NPFFR2: variants seen among roughly 807,000 people sequenced by gnomAD.
The protein encoded by NPFFR2 is G-protein coupled receptor 74.
In NPFFR2, 15 loss-of-function variants were observed where a neutral mutation model predicts 13.1. The observed-to-expected ratio is 1.15, with a 90% CI of 0.77 to 1.76. The LOEUF (loss-of-function observed/expected upper bound fraction) is 1.76, where lower values mean the gene tolerates loss of function less well. NPFFR2 is among the 40% of genes most tolerant of loss of function. The pLI, the probability that NPFFR2 is intolerant of heterozygous loss-of-function variation, is 0.00. For missense variants in NPFFR2, 572 were observed against 503.5 expected, an observed-to-expected ratio of 1.14 and a Z score of -1.30; for synonymous variants, 190 against 175.7, an observed-to-expected ratio of 1.08 and a Z score of -0.65.
At chr4:72,146,902 A>T in intron 3 of NPFFR2, 76 bp from the exon 4 acceptor site, 1 of 973,624 alleles carries the variant, frequency 1.0e-6, no homozygotes, top group Non-Finnish European at 1.6e-6. Context: ...GCCTGTAACT[A>T]CATAAATAAA....
chr4:72,051,155 A>G (rs1293920073), intron 1 of NPFFR2, among the ~76,000 whole-genome samples: 1 of 151,796 alleles, frequency 6.6e-6, no homozygotes, highest in East Asian at 1.9e-4. Flanking sequence ...GTCAAATGGT[A>G]TTTCTAGTTC....
intron 1 of NPFFR2, among the ~76,000 whole-genome samples, chr4:72,057,940 GC>G (rs1719801742): frequency 6.6e-6 from 1 of 151,912 alleles, no homozygotes; most frequent in South Asian, 2.1e-4. Flanking sequence ...GAGAAAACCT[GC>G]ACAAATCCAA....
intron 1 of NPFFR2, among the ~76,000 whole-genome samples, chr4:72,088,555 T>C (rs984494628): frequency 7.9e-5 from 12 of 152,106 alleles, no homozygotes; most frequent in African/African-American, 2.9e-4. Flanking sequence ...ATTTCTTTTA[T>C]TTTTTAATTT....
intron 1 of NPFFR2, among the ~76,000 whole-genome samples, chr4:72,104,394 A>T (rs1437124291): frequency 6.6e-6 from 1 of 152,048 alleles, no homozygotes; most frequent in Non-Finnish European, 1.5e-5. Context: ...ACCATATTCC[A>T]ACTATCATTT....
At chr4:72,090,340 T>C (rs1720885007) in intron 1 of NPFFR2, among the ~76,000 whole-genome samples, 1 of 152,088 alleles carries the variant, frequency 6.6e-6, no homozygotes, top group Non-Finnish European at 1.5e-5. Flanking sequence ...TTTAGGATGG[T>C]GTTTTCTAGT....
At chr4:72,097,715 C>G (rs374800439) in intron 1 of NPFFR2, among the ~76,000 whole-genome samples, 15 of 152,132 alleles carry the variant, frequency 9.9e-5, no homozygotes, top group African/African-American at 3.4e-4. Context: ...AAGCCTTAAT[C>G]TGAAAGAGAC....
intron 2 of NPFFR2, among the ~76,000 whole-genome samples, chr4:72,137,214 T>C (rs1722444970): frequency 6.6e-6 from 1 of 152,148 alleles, no homozygotes; most frequent in Non-Finnish European, 1.5e-5. Context: ...TGTAAGAATA[T>C]TTTGTTTCAG....
chr4:72,049,181 T>C (rs1477841210), intron 1 of NPFFR2, among the ~76,000 whole-genome samples: 1 of 152,126 alleles, frequency 6.6e-6, no homozygotes, highest in Non-Finnish European at 1.5e-5. Flanking sequence ...AACTGAGAGC[T>C]CACTTTTATT....
intron 1 of NPFFR2, among the ~76,000 whole-genome samples, chr4:72,125,487 T>G (rs1450470419): frequency 6.6e-6 from 1 of 152,244 alleles, no homozygotes; most frequent in East Asian, 1.9e-4. Flanking sequence ...GTTGTCACAC[T>G]TAGTGTCTAA....
chr4:72,141,539 G>C (rs958351206), intron 3 of NPFFR2, among the ~76,000 whole-genome samples: 72 of 152,148 alleles, frequency 4.7e-4, no homozygotes, highest in African/African-American at 1.7e-3. Flanking sequence ...TTCAGGAGCA[G>C]GTTGTTCAGC....
At chr4:72,121,046 A>G (rs909320838) in intron 1 of NPFFR2, among the ~76,000 whole-genome samples, 13 of 152,092 alleles carry the variant, frequency 8.5e-5, no homozygotes, top group African/African-American at 3.1e-4. Context: ...CAGTTTAGAG[A>G]AGAACATAAA....
At chr4:72,063,005 G>A (rs1306265107) in intron 1 of NPFFR2, among the ~76,000 whole-genome samples, 1 of 152,252 alleles carries the variant, frequency 6.6e-6, no homozygotes, top group East Asian at 1.9e-4. Context: ...TGTAATTATT[G>A]CAGCAACAGG....
At chr4:72,139,207 T>G (rs1722518134) in intron 3 of NPFFR2, among the ~76,000 whole-genome samples, 1 of 152,218 alleles carries the variant, frequency 6.6e-6, no homozygotes, top group African/African-American at 2.4e-5. Context: ...ATTCTGTAGG[T>G]TGTCTGTTCA....
chr4:72,044,488 C>G (rs1719322673), intron 1 of NPFFR2, among the ~76,000 whole-genome samples: 1 of 152,086 alleles, frequency 6.6e-6, no homozygotes, highest in African/African-American at 2.4e-5. Context: ...GAACGTTTTT[C>G]TACTTGATTA....
At chr4:72,042,129 G>A (rs1180465858) in intron 1 of NPFFR2, among the ~76,000 whole-genome samples, 2 of 152,124 alleles carry the variant, frequency 1.3e-5, no homozygotes, top group Non-Finnish European at 2.9e-5. Context: ...TAATCCCCAT[G>A]TGTCCCTGCT....
intron 1 of NPFFR2, among the ~76,000 whole-genome samples, chr4:72,045,803 A>G (rs1279692315): frequency 2.0e-5 from 3 of 152,174 alleles, no homozygotes; most frequent in African/African-American, 4.8e-5. Context: ...TTAAATGCAT[A>G]TGGCTTTCAC....
At chr4:72,045,473 C>CTTTGCTCTG (rs1719350305) in intron 1 of NPFFR2, among the ~76,000 whole-genome samples, 1 of 152,050 alleles carries the variant, frequency 6.6e-6, no homozygotes, top group African/African-American at 2.4e-5. Flanking sequence ...ATACTTTTGC[C>CTTTGCTCTG]TTTGCTCTGT....
Position 72,050,614 on chromosome 4 carries a change from G to T in NPFFR2, c.-8+18414G>T, listed in dbSNP as rs189544603. On this transcript the variant is annotated intron_variant, in intron 1 of 3. Coordinates refer to ENST00000308744, the MANE Select transcript of NPFFR2 (RefSeq NM_004885.3). ...TTACCTCAAAATACATTTCTTTGAT[G>T]TATTTTTTTAAATTATACTTTAAGT... Among the ~76,000 whole-genome samples, 387 of 152,002 alleles carry T rather than the reference G, an allele frequency of 2.5e-3. 2 individuals carry two copies. The highest frequency in any genetic ancestry group is 9.0e-3 in the African/African-American group (375 of 41,480).
intron 1 of NPFFR2, among the ~76,000 whole-genome samples, chr4:72,056,793 A>G (rs1719760090): frequency 6.6e-6 from 1 of 152,010 alleles, no homozygotes; most frequent in South Asian, 2.1e-4. Flanking sequence ...CAGTGGAGGA[A>G]GTAACTGTGG....
Sources: allele counts gnomAD v4.1 joint callset (sites outside exome capture counted in the v4.1 genomes callset), GRCh38; gene constraint gnomAD v4.1.1; transcripts MANE v1.5; gene names NCBI Gene and HGNC (gene_info 2026-07-23, HGNC 2026-07-21).